The following CSMD1 variants were observed in gnomAD, a reference collection of about 807,000 sequenced individuals.
CSMD1 encodes CUB and Sushi multiple domains 1.
A neutral mutation model predicts 417.5 loss-of-function variants in CSMD1; 213 were observed. The ratio of observed to expected loss-of-function variants is 0.51; its 90% confidence interval spans 0.46 to 0.57. CSMD1 has a LOEUF of 0.57. Among genes scored for constraint, CSMD1 ranks in the 20% least tolerant of loss-of-function variants. The pLI, the probability that CSMD1 is intolerant of heterozygous loss-of-function variation, is 0.00. For synonymous variants in CSMD1, 2,862 were observed against 1,736.8 expected, an observed-to-expected ratio of 1.65 and a Z score of -16.11; for missense variants, 6,923 against 4,529.7, an observed-to-expected ratio of 1.53 and a Z score of -15.17.
chr8:3,192,277 A>G (rs10086940), intron 33 of CSMD1, among the ~76,000 whole-genome samples: 106,489 of 152,106 alleles, frequency 0.7, 37,464 homozygotes, highest in Non-Finnish European at 0.74. Context: ...ATTATAGGTC[A>G]AGGATCTCTT....
rs1326282230 is a variant in CSMD1 at position 4,115,907 on chromosome 8, G to A, written c.416-83808C>T. Reference sequence around the variant, plus strand: ...CAGGAAGACAGAAGAAAGATCAGTGGTTGCCAGTGACTGGGGGCAGGGAGA... The same window carrying A: ...CAGGAAGACAGAAGAAAGATCAGTGATTGCCAGTGACTGGGGGCAGGGAGA... On this transcript the variant is annotated intron_variant, in intron 3 of 69. Transcript: ENST00000635120. Among the ~76,000 whole-genome samples the A allele has an allele frequency of 1.3e-5, 2 of 152,108 alleles. 1 individual carries two copies. Among genetic ancestry groups the A allele is most frequent in the South Asian group, 4.1e-4 (2 of 4,820 alleles).
intron 3 of CSMD1, among the ~76,000 whole-genome samples, chr8:4,120,334 A>G (rs1802412321): frequency 6.6e-6 from 1 of 152,082 alleles, no homozygotes; most frequent in African/African-American, 2.4e-5. Context: ...TTACTTAGCT[A>G]TAAGATAAGA....
At chr8:3,734,889 G>C (rs960454055) in intron 6 of CSMD1, among the ~76,000 whole-genome samples, 1 of 152,122 alleles carries the variant, frequency 6.6e-6, no homozygotes, top group African/African-American at 2.4e-5. Flanking sequence ...CTGTACTGAA[G>C]CAATTTTCCG....
At chr8:4,905,311 G>C (rs930467993) in intron 1 of CSMD1, among the ~76,000 whole-genome samples, 15 of 152,062 alleles carry the variant, frequency 9.9e-5, no homozygotes, top group East Asian at 1.9e-4. Flanking sequence ...TGGATAACTC[G>C]CTGTGTCAAG....
chr8:4,912,164 G>A (rs146000271), intron 1 of CSMD1, among the ~76,000 whole-genome samples: 82 of 106,874 alleles, frequency 7.7e-4, no homozygotes, highest in African/African-American at 2.4e-3. Context: ...AGAAAAGAAC[G>A]GAAAAGAAAA....
At chr8:4,324,323 A>C (rs988415260) in intron 3 of CSMD1, among the ~76,000 whole-genome samples, 1 of 152,200 alleles carries the variant, frequency 6.6e-6, no homozygotes, top group Non-Finnish European at 1.5e-5. Flanking sequence ...ACCTCGAAAG[A>C]AATCAATACT....
intron 3 of CSMD1, among the ~76,000 whole-genome samples, chr8:4,280,836 A>G (rs547809433): frequency 7.2e-5 from 11 of 152,316 alleles, no homozygotes; most frequent in Admixed American, 2.6e-4. Flanking sequence ...TAAGACTTTT[A>G]TCTTCATTTC....
At chr8:4,558,643 G>A (rs1006047249) in intron 2 of CSMD1, among the ~76,000 whole-genome samples, 5 of 152,072 alleles carry the variant, frequency 3.3e-5, no homozygotes, top group Non-Finnish European at 5.9e-5. Context: ...GAGGCAGCTG[G>A]ATCATCTGAG....
intron 2 of CSMD1, among the ~76,000 whole-genome samples, chr8:4,577,093 C>T (rs1360770017): frequency 6.6e-6 from 1 of 152,114 alleles, no homozygotes; most frequent in South Asian, 2.1e-4. Flanking sequence ...TTTGTATATA[C>T]ACACACATAT....
intron 3 of CSMD1, among the ~76,000 whole-genome samples, chr8:4,311,780 T>C (rs566423381): frequency 7.2e-6 from 1 of 138,210 alleles, no homozygotes; most frequent in African/African-American, 2.7e-5. Flanking sequence ...GGGGAACACA[T>C]AGAGGGGAAC....
At chr8:4,740,486 G>A (rs1468253157) in intron 1 of CSMD1, among the ~76,000 whole-genome samples, 1 of 152,158 alleles carries the variant, frequency 6.6e-6, no homozygotes, top group African/African-American at 2.4e-5. Flanking sequence ...TTAGAGGAAA[G>A]TGCAATGGTA....
At chr8:4,122,879 T>C (rs975751221) in intron 3 of CSMD1, among the ~76,000 whole-genome samples, 3 of 152,092 alleles carry the variant, frequency 2.0e-5, no homozygotes, top group Non-Finnish European at 2.9e-5. Context: ...GAAAGGCAAC[T>C]CCTGAAGAAA....
intron 3 of CSMD1, among the ~76,000 whole-genome samples, chr8:4,073,908 G>A (rs1466640224): frequency 6.6e-6 from 1 of 152,050 alleles, no homozygotes; most frequent in African/African-American, 2.4e-5. Flanking sequence ...AATATTTCAA[G>A]TAGTCTTAAT....
At chr8:4,993,537 A>G (rs1395176509) in intron 1 of CSMD1, among the ~76,000 whole-genome samples, 1 of 152,130 alleles carries the variant, frequency 6.6e-6, no homozygotes, top group African/African-American at 2.4e-5. Context: ...ATTCAGGGAG[A>G]AAACCAAGCT....
At chr8:2,946,292 A>C (rs1348512453) in intron 68 of CSMD1, among the ~76,000 whole-genome samples, 1 of 152,172 alleles carries the variant, frequency 6.6e-6, no homozygotes, top group African/African-American at 2.4e-5. Context: ...AGGCTTTCTC[A>C]GTGTTTTCAT....
chr8:4,956,579 T>C (rs932359539), intron 1 of CSMD1, among the ~76,000 whole-genome samples: 1 of 150,516 alleles, frequency 6.6e-6, no homozygotes. Context: ...TTAAAATACA[T>C]GTGTATATCA....
chr8:4,191,797 T>C (rs908162132), intron 3 of CSMD1, among the ~76,000 whole-genome samples: 1 of 149,414 alleles, frequency 6.7e-6, no homozygotes, highest in Non-Finnish European at 1.5e-5. Flanking sequence ...TAAGGTTGAA[T>C]TGACTTCATC....
chr8:3,505,360 A>G (rs1444665159), intron 10 of CSMD1, among the ~76,000 whole-genome samples: 1 of 152,216 alleles, frequency 6.6e-6, no homozygotes, highest in Non-Finnish European at 1.5e-5. Context: ...AGAGAAAATT[A>G]TAGATCACTA....
intron 7 of CSMD1, among the ~76,000 whole-genome samples, chr8:3,685,348 A>T (rs138974411): frequency 1.1e-4 from 17 of 152,260 alleles, no homozygotes; most frequent in African/African-American, 4.1e-4. Context: ...TTCATTACAC[A>T]TCATCAAACT....
Sources: gnomAD v4.1 joint callset for allele counts (sites outside exome capture counted in the v4.1 genomes callset) on GRCh38, gnomAD v4.1.1 for gene constraint, MANE v1.5 for transcripts, NCBI Gene and HGNC (gene_info 2026-07-23, HGNC 2026-07-21) for gene names.